ITLN2: variants seen among roughly 807,000 people sequenced by gnomAD.
The protein encoded by ITLN2 is intelectin-2.
Under a neutral mutation model 39.4 loss-of-function variants are expected in ITLN2, and 29 were observed. The observed-to-expected ratio is 0.74, with a 90% CI of 0.55 to 1.00. ITLN2 has a LOEUF of 1.00. ITLN2 is among the 50% of genes least tolerant of loss of function. ITLN2 has a pLI of 0.00. For synonymous variants in ITLN2, 156 were observed against 153.4 expected (o/e 1.02, Z -0.12); for missense variants, 412 against 416.7 (o/e 0.99, Z 0.10).
rs1671733889 is a variant in ITLN2 at position 160,951,169 on chromosome 1, C to T, written c.315G>A (p.Lys105=). ...TGGACCAGCGATCACCCACCGTGCA[C>T]TTCCCACGCATGTCATTCTCGTGCA... The part of the protein sequence containing the change: ...ASVHENDMRG[K]CTVGDRWSSQ... Residue 105 remains lysine (K), a synonymous_variant, in exon 4 of 8, where the codon AAG becomes AAA. Coordinates refer to ENST00000368029, the MANE Select transcript of ITLN2 (RefSeq NM_080878.3). 1.5e-5 allele frequency: 25 copies of T among 1,614,088 alleles called. No homozygotes were observed. The highest frequency in any genetic ancestry group is 2.0e-5 in the Non-Finnish European group (24 of 1,180,050).
In ITLN2 at chr1:160,950,878, C is replaced by A. The variant is rs139832980; in HGVS notation, c.441+165G>T. On this transcript the variant is annotated intron_variant, in intron 4 of 7. Transcript: ENST00000368029. Reference sequence around the variant, plus strand: ...TGATGATCCCACCACCACCCAGGGCCCTAACAGCCTTGTTGAGAGGAAGTT... The same window carrying A: ...TGATGATCCCACCACCACCCAGGGCACTAACAGCCTTGTTGAGAGGAAGTT... 1.4e-5 allele frequency: 21 copies of A among 1,478,010 alleles called. No individual in the cohort carries two copies. The Admixed American group carries it at 3.8e-4, about 27-fold the overall frequency. The allele number at this position is 1,478,010 out of a possible 1,614,324, so 91.6% of individuals were successfully genotyped here. A position where few individuals can be genotyped will look rare whatever the true frequency, so the allele number is the denominator to read the frequency against.
Position 160,954,469 on chromosome 1 carries a change from C to A in ITLN2, c.16-19G>T, listed in dbSNP as rs771077575. On this transcript the variant is annotated intron_variant, in intron 1 of 7. Coordinates refer to ENST00000368029, the MANE Select transcript of ITLN2 (RefSeq NM_080878.3). ...TTGTCCTCTAAGGAAAAACAAGATG[C>A]ACAAGGTCACTGGCTGGCCCTTCCT... 2.6e-6 allele frequency: 4 copies of A among 1,562,382 alleles called. No individual in the cohort carries two copies. The highest frequency in any genetic ancestry group is 3.5e-6 in the Non-Finnish European group (4 of 1,148,300).
chr1:160,950,896 A>T, intron 4 of ITLN2, 147 bp downstream of exon 4: 1 of 1,511,510 alleles, frequency 6.6e-7, no homozygotes, highest in Non-Finnish European at 9.0e-7. Flanking sequence ...CCTTGTTGAG[A>T]GGAAGTTGTG....
At chr1:160,952,115 C>T (rs567582075) in intron 3 of ITLN2, among the ~76,000 whole-genome samples, 2 of 152,236 alleles carry the variant, frequency 1.3e-5, no homozygotes, top group South Asian at 2.1e-4. Flanking sequence ...ACACTTTTGC[C>T]GATCTTGAAC....
chr1:160,954,790 G>C lies in ITLN2; in HGVS notation c.-49C>G, dbSNP rs778840999. ...AGTTCCCTTCCTGTGGACACTCGGAGCTCCCCTGCAGAGGATCCTGATGAA... is the reference window on the plus strand; with the variant it reads ...AGTTCCCTTCCTGTGGACACTCGGACCTCCCCTGCAGAGGATCCTGATGAA... On this transcript the variant is annotated 5_prime_UTR_variant, in exon 1 of 8. Coordinates refer to ENST00000368029, the MANE Select transcript of ITLN2 (RefSeq NM_080878.3). 6.1e-5 allele frequency: 98 copies of C among 1,606,824 alleles called. 2 individuals carry two copies. In the South Asian group the frequency reaches 1.1e-3, roughly 17 times the overall value.
rs755838146 is a variant in ITLN2, at chr1:160,952,660, T to G, written c.153A>C (p.Arg51Ser). ...TCAFSFSSLP[R>S]SCKEIKERCH... is the part of the protein sequence containing the mutation. ...AGCGTTCCTTGATTTCTTTGCAGCT[T>G]CTAGGCAGGGAAGAAAAGGAGAAGG... Residue 51 changes from arginine to serine, a missense_variant, in exon 3 of 8, where the codon AGA becomes AGC. Transcript: ENST00000368029. 1 of 1,614,162 alleles carries G rather than the reference T, an allele frequency of 6.2e-7. No individual in the cohort carries two copies.
chr1:160,948,680 G>A (rs1163097997), intron 6 of ITLN2: 1 of 148,996 alleles, frequency 6.7e-6, no homozygotes, highest in African/African-American at 2.5e-5. Flanking sequence ...AGGCTGGAGT[G>A]CAGTGGTGTG....
chr1:160,950,748 G>T, intron 4 of ITLN2, 37 bp from the exon 5 acceptor site: 1 of 1,586,736 alleles, frequency 6.3e-7, no homozygotes, highest in South Asian at 1.2e-5. Flanking sequence ...ACTGGGCCAG[G>T]AGGTACCAGG....
intron 5 of ITLN2, 115 bp from the exon 6 acceptor site, chr1:160,950,281 G>T (rs183800999): frequency 1.1e-4 from 127 of 1,148,328 alleles, no homozygotes; most frequent in Non-Finnish European, 6.3e-6. Context: ...TCATAATAGT[G>T]ACTGCTTTTC....
intron 3 of ITLN2, 86 bp from the exon 4 acceptor site, chr1:160,951,376 A>G: frequency 6.7e-7 from 1 of 1,499,000 alleles, no homozygotes; most frequent in East Asian, 2.3e-5. Context: ...CTAGGAAGTC[A>G]AAAGCACACT....
Position 160,952,713 on chromosome 1 carries a change from T to C in ITLN2, c.100A>G (p.Met34Val), listed in dbSNP as rs751363670. The C allele has an allele frequency of 3.1e-6, 5 of 1,613,702 alleles. No homozygotes were observed. In the South Asian group the frequency reaches 5.5e-5, roughly 18 times the overall value. ...CSAAAASSLE[M>V]LSREFETCAF... ...CAGGTTTCGAATTCCCTCGAGAGCA[T>C]CTCAAGAGAAGAGGCTGCTGCTAGA... is the stretch of plus-strand genomic sequence containing the variant. Residue 34 changes from methionine to valine, a missense_variant, in exon 3 of 8, where the codon ATG becomes GTG. Physicochemically the swap from Met to Val is conservative, Grantham distance 21. Coordinates refer to ENST00000368029, the MANE Select transcript of ITLN2 (RefSeq NM_080878.3).
intron 3 of ITLN2, among the ~76,000 whole-genome samples, chr1:160,952,339 T>A (rs1671762849): frequency 6.6e-6 from 1 of 152,162 alleles, no homozygotes; most frequent in Non-Finnish European, 1.5e-5. Context: ...TCTGCCAGCA[T>A]CTATAAACCT....
In ITLN2 at chr1:160,951,257, A is replaced by G; in HGVS notation, c.227T>C (p.Val76Ala). ...GLYFLRTKNG[V>A]VYQTFCDMTS... ...CATGTCACAGAAGGTCTGGTAGACA[A>G]CACCATTCTTGGTGCGGAGAAAATA... Residue 76 changes from valine to alanine, a missense_variant, in exon 4 of 8, where the codon GTT becomes GCT. Transcript: ENST00000368029. The G allele has an allele frequency of 1.2e-6, 2 of 1,602,878 alleles. No individual in the cohort carries two copies. The highest frequency in any genetic ancestry group is 1.7e-6 in the Non-Finnish European group (2 of 1,173,554).
intron 4 of ITLN2, 152 bp from the exon 5 acceptor site, chr1:160,950,863 A>G (rs1671725676): frequency 6.9e-7 from 1 of 1,458,760 alleles, no homozygotes; most frequent in East Asian, 2.3e-5. Flanking sequence ...TGATGATCCC[A>G]CCACCACCCA....
chr1:160,947,211 G>C (rs184922514), intron 7 of ITLN2, among the ~76,000 whole-genome samples: 1 of 152,202 alleles, frequency 6.6e-6, no homozygotes, highest in Non-Finnish European at 1.5e-5. Context: ...TACTGTGCCC[G>C]GATGTGCACA....
chr1:160,951,579 A>ACC, intron 3 of ITLN2: 2 of 329,596 alleles, frequency 6.1e-6, no homozygotes, highest in Non-Finnish European at 1.1e-5. Context: ...AGGAGAGGCC[A>ACC]GAAATCAGCA....
chr1:160,953,642 C>T (rs1211666647), intron 2 of ITLN2, among the ~76,000 whole-genome samples: 1 of 151,736 alleles, frequency 6.6e-6, no homozygotes, highest in Non-Finnish European at 1.5e-5. Flanking sequence ...ACCCAGGAGA[C>T]GGAGGTTGCA....
chr1:160,952,767 C>A (rs769058131), intron 2 of ITLN2, 34 bp from the exon 3 acceptor site: 1 of 1,494,676 alleles, frequency 6.7e-7, no homozygotes, highest in Admixed American at 1.7e-5. Flanking sequence ...CATTAGAAGT[C>A]TGACCACTGA....
chr1:160,946,893 C>G (rs550507711), intron 7 of ITLN2, among the ~76,000 whole-genome samples: 9 of 152,110 alleles, frequency 5.9e-5, no homozygotes, highest in East Asian at 1.9e-4. Context: ...CATACCCATG[C>G]ACACACATGG....
Sources: gnomAD v4.1 joint callset for allele counts (sites outside exome capture counted in the v4.1 genomes callset) on GRCh38, gnomAD v4.1.1 for gene constraint, MANE v1.5 for transcripts, NCBI Gene and HGNC (gene_info 2026-07-23, HGNC 2026-07-21) for gene names.